INO80: variants seen among roughly 807,000 people sequenced by gnomAD.
The protein encoded by INO80 is chromatin-remodeling ATPase INO80.
In INO80, 20 loss-of-function variants were observed where a neutral mutation model predicts 203.4. The ratio of observed to expected loss-of-function variants is 0.10; its 90% CI spans 0.07 to 0.14. The LOEUF (loss-of-function observed/expected upper bound fraction) is 0.14. INO80 is among the 10% of genes least tolerant of loss of function. The pLI, the probability that INO80 is intolerant of heterozygous loss-of-function variation, is 1.00. For synonymous variants in INO80, 726 were observed against 685.2 expected (o/e 1.06, Z -0.93); for missense variants, 1,419 against 1,914.4 (o/e 0.74, Z 4.83).
At chr15:41,006,536 GTTAA>G (rs1191140588) in intron 27 of INO80, among the ~76,000 whole-genome samples, 1 of 152,156 alleles carries the variant, frequency 6.6e-6, no homozygotes, top group East Asian at 1.9e-4. Flanking sequence ...AAATGTTTGT[GTTAA>G]TTAGTTTTCT....
In INO80 at chr15:41,083,572, G is replaced by A. The variant is rs937585678; in HGVS notation, c.873+1797C>T. On this transcript the variant is annotated intron_variant, in intron 7 of 35. Transcript: ENST00000648947. ...AATACAAAAATTAGCTGGGTGTGACGGCGCGCACCTGTAGTCCCAGCTACT... is the reference window on the plus strand; with the variant it reads ...AATACAAAAATTAGCTGGGTGTGACAGCGCGCACCTGTAGTCCCAGCTACT... Among the ~76,000 whole-genome samples the A allele has an allele frequency of 8.6e-5, 13 of 151,896 alleles. No individual in the cohort carries two copies. The South Asian group carries it at 1.0e-3, about 12-fold the overall frequency.
At chr15:41,035,821 C>CAA (rs71104768) in intron 24 of INO80, among the ~76,000 whole-genome samples, 5,171 of 20,150 alleles carry the variant, frequency 0.26, 2,201 homozygotes, top group Middle Eastern at 0.4. Flanking sequence ...GACTCTGTCT[C>CAA]AAAAAAAAAA....
Position 40,980,391 on chromosome 15 carries a change from G to A in INO80, c.4503C>T (p.Gly1501=). 1 of 1,613,916 alleles carries A rather than the reference G, an allele frequency of 6.2e-7. No homozygotes were observed. The highest frequency in any genetic ancestry group is 1.1e-5 in the South Asian group (1 of 91,062). The change falls in exon 36 of 36, where the codon GGC becomes GGT. Residue 1501 remains glycine (G), a synonymous_variant. Transcript: ENST00000648947. ...PLQTSLVRPA[G]LADFGPSSAS... ...CGCTTGAAGGTCCAAAGTCAGCAAG[G>A]CCAGCAGGCCGAACAAGGGATGTCT...
chr15:41,096,743 G>C (rs1359653126), intron 1 of INO80, among the ~76,000 whole-genome samples: 2 of 152,180 alleles, frequency 1.3e-5, no homozygotes, highest in Non-Finnish European at 2.9e-5. Context: ...AGAAAGGAAA[G>C]TACTAGAGGA....
chr15:41,023,475 T>C lies in INO80; in HGVS notation c.3049-2350A>G, dbSNP rs185337627. ...TTAGATAAGTAAAGCATATTTAGTC[T>C]TCTCTAGTAAGACTAAAGCGCGGTG... On this transcript the variant is annotated intron_variant, in intron 25 of 35. Coordinates refer to ENST00000648947, the MANE Select transcript of INO80 (RefSeq NM_017553.3). 91 of 357,332 alleles carry C rather than the reference T, an allele frequency of 2.5e-4. 2 individuals are homozygous for C. The highest frequency in any genetic ancestry group is 1.8e-3 in the African/African-American group (84 of 46,012). 22.1% of individuals were successfully genotyped at this position (357,332 alleles called of 1,614,324 possible).
chr15:41,100,733 T>A (rs930088105), intron 1 of INO80, among the ~76,000 whole-genome samples: 3 of 152,140 alleles, frequency 2.0e-5, no homozygotes. Context: ...GCAAAAGACA[T>A]AAAACTTACC....
At position 40,979,444 on chromosome 15, in the gene INO80, A is replaced by G. The variant is rs967426038; in HGVS notation, c.*779T>C. 2.0e-5 allele frequency: 3 copies of G among 153,442 alleles called. No individual in the cohort carries two copies. Among genetic ancestry groups the G allele is most frequent in the Non-Finnish European group, 2.9e-5 (2 of 68,696 alleles). The allele number at this position is 153,442 out of a possible 1,614,324, so 9.5% of individuals were successfully genotyped here. Reference sequence around the variant, plus strand: ...AAGGGCATGAGCAGGGAGACTGTGCATTCAGGATGGGCAAAGGGGACTCTG... The same window carrying G: ...AAGGGCATGAGCAGGGAGACTGTGCGTTCAGGATGGGCAAAGGGGACTCTG... On this transcript the variant is annotated 3_prime_UTR_variant, in exon 36 of 36. Coordinates refer to ENST00000648947, the MANE Select transcript of INO80 (RefSeq NM_017553.3).
chr15:40,980,576 ACTT>A (rs1262816120), intron 35 of INO80, 136 bp from the exon 36 acceptor site: 4 of 641,366 alleles, frequency 6.2e-6, no homozygotes, highest in East Asian at 2.8e-5. Context: ...CTTGCTAACA[ACTT>A]CTTGGCATGT....
At chr15:41,033,803 G>C (rs1435890902) in intron 24 of INO80, among the ~76,000 whole-genome samples, 2 of 152,156 alleles carry the variant, frequency 1.3e-5, no homozygotes, top group Non-Finnish European at 2.9e-5. Flanking sequence ...TGTAATCCCA[G>C]TACTCTGGGA....
intron 1 of INO80, among the ~76,000 whole-genome samples, chr15:41,099,332 A>T (rs1214813007): frequency 6.6e-6 from 1 of 151,418 alleles, no homozygotes; most frequent in Non-Finnish European, 1.5e-5. Flanking sequence ...GAAAAAAAAA[A>T]TGTTCCAAAC....
At chr15:40,996,788 G>T (rs576195796) in intron 29 of INO80, among the ~76,000 whole-genome samples, 2 of 152,136 alleles carry the variant, frequency 1.3e-5, no homozygotes, top group Non-Finnish European at 2.9e-5. Flanking sequence ...ACAAAAAATG[G>T]GTTTTTCCAT....
At chr15:41,105,619 A>T (rs1361443410) in intron 1 of INO80, among the ~76,000 whole-genome samples, 1 of 152,210 alleles carries the variant, frequency 6.6e-6, no homozygotes, top group Non-Finnish European at 1.5e-5. Context: ...CTCCTACGAC[A>T]TAAAACTATG....
At chr15:41,008,360 A>G (rs889995606) in intron 27 of INO80, among the ~76,000 whole-genome samples, 1 of 152,194 alleles carries the variant, frequency 6.6e-6, no homozygotes, top group African/African-American at 2.4e-5. Context: ...GGTTCAACTT[A>G]TATGTGCAAG....
intron 18 of INO80, among the ~76,000 whole-genome samples, chr15:41,054,715 C>T (rs1004539099): frequency 6.6e-6 from 1 of 152,098 alleles, no homozygotes; most frequent in South Asian, 2.1e-4. Flanking sequence ...CTCGGCTCAC[C>T]GCAAACTCCA....
chr15:41,087,169 A>G (rs1451173834), intron 6 of INO80, among the ~76,000 whole-genome samples: 1 of 152,194 alleles, frequency 6.6e-6, no homozygotes, highest in Non-Finnish European at 1.5e-5. Flanking sequence ...GCTGTACTGA[A>G]TATGTACAAA....
At chr15:41,105,814 G>A (rs907733209) in intron 1 of INO80, among the ~76,000 whole-genome samples, 4 of 152,098 alleles carry the variant, frequency 2.6e-5, no homozygotes, top group Admixed American at 1.3e-4. Flanking sequence ...ACCCATTAAC[G>A]TGAAATGTTG....
At chr15:41,043,460 T>G (rs1005838816) in intron 24 of INO80, among the ~76,000 whole-genome samples, 1 of 152,144 alleles carries the variant, frequency 6.6e-6, no homozygotes, top group East Asian at 1.9e-4. Flanking sequence ...CCAATTACAT[T>G]AATTTGCATT....
intron 30 of INO80, 109 bp from the exon 31 acceptor site, chr15:40,987,302 G>T: frequency 1.6e-6 from 1 of 618,122 alleles, no homozygotes; most frequent in Non-Finnish European, 2.9e-6. Context: ...GGAGGCCTCT[G>T]GTTTCCTATT....
At chr15:41,035,218 A>G (rs555185491) in intron 24 of INO80, among the ~76,000 whole-genome samples, 1 of 152,334 alleles carries the variant, frequency 6.6e-6, no homozygotes, top group Non-Finnish European at 1.5e-5. Context: ...AACAAATTTC[A>G]TAATGAAATA....
Sources: gnomAD v4.1 joint callset for allele counts (sites outside exome capture counted in the v4.1 genomes callset) on GRCh38, gnomAD v4.1.1 for gene constraint, MANE v1.5 for transcripts, NCBI Gene and HGNC (gene_info 2026-07-23, HGNC 2026-07-21) for gene names.